The following NEK6 variants were observed in gnomAD, a reference collection of about 807,000 sequenced individuals.
NEK6 encodes the protein NIMA related kinase 6.
A neutral mutation model predicts 43.5 loss-of-function variants in NEK6; 27 were observed. The observed-to-expected ratio is 0.62, with a 90% CI of 0.46 to 0.86. The LOEUF (loss-of-function observed/expected upper bound fraction) is 0.86, where lower values mean the gene tolerates loss of function less well. Among genes scored for constraint, NEK6 ranks in the 40% least tolerant of loss-of-function variants. The pLI, the probability that NEK6 is intolerant of heterozygous loss-of-function variation, is 0.00. For synonymous variants in NEK6, 167 were observed against 164.1 expected (o/e 1.02, Z -0.14); for missense variants, 318 against 414.4 (o/e 0.77, Z 2.02).
intron 8 of NEK6, among the ~76,000 whole-genome samples, chr9:124,341,801 A>G (rs970736809): frequency 6.6e-6 from 1 of 152,196 alleles, no homozygotes; most frequent in Admixed American, 6.5e-5. Flanking sequence ...GTCTTTAGCC[A>G]TAGGAGACAA....
chr9:124,352,735 G>A lies in NEK6; in HGVS notation c.*1788G>A, dbSNP rs886560169. 12 of 152,134 alleles carry A rather than the reference G, an allele frequency of 7.9e-5. No homozygotes were observed. The highest frequency in any genetic ancestry group is 1.2e-4 in the Non-Finnish European group (8 of 68,052). 9.4% of individuals were successfully genotyped at this position (152,134 alleles called of 1,614,324 possible). A position where few individuals can be genotyped will look rare whatever the true frequency, so the allele number is the denominator to read the frequency against. ...TCCACAGAACAATCAAGTCCCTGTC[G>A]CCTGCCTAGTGCTTACCACTGAAGA... On this transcript the variant is annotated 3_prime_UTR_variant, in exon 10 of 10. Transcript: ENST00000320246.
chr9:124,328,444 T>TG (rs1828786480), intron 7 of NEK6, among the ~76,000 whole-genome samples: 1 of 152,040 alleles, frequency 6.6e-6, no homozygotes, highest in African/African-American at 2.4e-5. Flanking sequence ...CAGTGGAAGG[T>TG]GCCCCCAGGC....
intron 4 of NEK6, among the ~76,000 whole-genome samples, chr9:124,316,599 C>T (rs1833827820): frequency 1.3e-5 from 2 of 152,196 alleles, no homozygotes; most frequent in Admixed American, 1.3e-4. Flanking sequence ...ACCAAGAGGC[C>T]ACAGGCTGTG....
chr9:124,305,823 C>T (rs1444712656), intron 2 of NEK6, among the ~76,000 whole-genome samples: 1 of 152,120 alleles, frequency 6.6e-6, no homozygotes, highest in Non-Finnish European at 1.5e-5. Context: ...GGGAGAGGCC[C>T]CAGACCTGAA....
At chr9:124,259,406 A>C (rs1830936864) in intron 1 of NEK6, 1 of 152,134 alleles carries the variant, frequency 6.6e-6, no homozygotes, top group African/African-American at 2.4e-5. Flanking sequence ...AGCCGTCTGG[A>C]AGCGCCTGCC....
chr9:124,312,532 T>C lies in NEK6; in HGVS notation c.114T>C (p.Phe38=). The C allele has an allele frequency of 6.2e-7, 1 of 1,614,130 alleles. No individual in the cohort carries two copies. Among genetic ancestry groups the C allele is most frequent in the African/African-American group, 1.3e-5 (1 of 75,076 alleles). ...DPQRHPNTLS[F]RCSLADFQIE... is the part of the protein sequence containing the mutation. ...AGAGGCATCCCAACACGCTGTCTTT[T>C]CGCTGCTCGCTGGCGGACTTCCAGA... The change falls in exon 3 of 10, where the codon TTT becomes TTC. Residue 38 remains phenylalanine, a synonymous_variant. Coordinates refer to ENST00000320246, the MANE Select transcript of NEK6 (RefSeq NM_014397.6).
chr9:124,321,407 G>A lies in NEK6; in HGVS notation c.295-52G>A, dbSNP rs918707308. On this transcript the variant is annotated intron_variant, in intron 4 of 9. Transcript: ENST00000320246. ...GGTGCCGGTGGCAGGCAGGCACTGG[G>A]TCTGTCCCGTCTTCACTTGGTGCCC... 20 of 1,240,502 alleles carry A rather than the reference G, an allele frequency of 1.6e-5. No homozygotes were observed. In the African/African-American group the frequency reaches 2.9e-4, roughly 18 times the overall value. The allele number at this position is 1,240,502 out of a possible 1,614,324, so 76.8% of individuals were successfully genotyped here. A position where few individuals can be genotyped will look rare whatever the true frequency, so the allele number is the denominator to read the frequency against.
chr9:124,322,269 C>G (rs112555758), intron 5 of NEK6, among the ~76,000 whole-genome samples: 3 of 152,212 alleles, frequency 2.0e-5, no homozygotes, highest in African/African-American at 4.8e-5. Context: ...AGTGACTGTT[C>G]GAGTCACATG....
intron 2 of NEK6, among the ~76,000 whole-genome samples, chr9:124,306,274 G>A (rs182702665): frequency 1.3e-5 from 2 of 152,164 alleles, no homozygotes; most frequent in Admixed American, 6.5e-5. Context: ...GTGAGTCGTC[G>A]GAGCTGGTTC....
chr9:124,292,930 G>A, intron 1 of NEK6: 1 of 1,551,988 alleles, frequency 6.4e-7, no homozygotes, highest in South Asian at 1.2e-5. Context: ...CAGGAAGGCT[G>A]CCTGGAGGAG....
chr9:124,315,826 T>C (rs1380207948), intron 4 of NEK6, among the ~76,000 whole-genome samples: 1 of 152,034 alleles, frequency 6.6e-6, no homozygotes, highest in African/African-American at 2.4e-5. Context: ...CAAGCCGGGG[T>C]TTCAGAGGAC....
upstream of NEK6, chr9:124,257,631 A>G: frequency 6.6e-7 from 1 of 1,504,606 alleles, no homozygotes; most frequent in Non-Finnish European, 8.9e-7. Flanking sequence ...GGGGAATCCG[A>G]AGACGCACAG....
intron 1 of NEK6, among the ~76,000 whole-genome samples, chr9:124,280,261 A>G (rs1831837079): frequency 6.6e-6 from 1 of 152,224 alleles, no homozygotes; most frequent in Non-Finnish European, 1.5e-5. Context: ...TAGCCCAGAA[A>G]AGAGTGTGTT....
At chr9:124,301,893 G>A in intron 1 of NEK6, 43 bp from the exon 2 acceptor site, 1 of 1,460,586 alleles carries the variant, frequency 6.8e-7, no homozygotes. Context: ...TCCTTCTGAG[G>A]GTCTCAAAGA....
rs1294985599 is a variant in NEK6 at position 124,321,590 on chromosome 9, G to T, written c.405+21G>T. The T allele has an allele frequency of 3.4e-6, 5 of 1,457,438 alleles. No homozygotes were observed. In the South Asian group the frequency reaches 4.5e-5, roughly 13 times the overall value. The allele number at this position is 1,457,438 out of a possible 1,614,324, so 90.3% of individuals were successfully genotyped here. On this transcript the variant is annotated intron_variant, in intron 5 of 9. Transcript: ENST00000320246. ...TCAAGGTGAGCGCCTGGCGGGGTGGGGGTGCTGGGGGCTGCGCAGATCTGG... is the reference window on the plus strand; with the variant it reads ...TCAAGGTGAGCGCCTGGCGGGGTGGTGGTGCTGGGGGCTGCGCAGATCTGG...
chr9:124,293,797 C>T (rs1588470369), intron 1 of NEK6, among the ~76,000 whole-genome samples: 2 of 152,282 alleles, frequency 1.3e-5, no homozygotes, highest in South Asian at 2.1e-4. Context: ...CAGATGACCG[C>T]GAAGGTCAGT....
rs935083660 is a variant in NEK6 at position 124,326,894 on chromosome 9, G to A, written c.515-444G>A. Among the ~76,000 whole-genome samples, 4 of 152,162 alleles carry A rather than the reference G, an allele frequency of 2.6e-5. No individual in the cohort carries two copies. Among genetic ancestry groups the A allele is most frequent in the African/African-American group, 7.2e-5 (3 of 41,436 alleles). ...CGTAGGCTGCTTCATGGACACCTCCGTTCCTTCACTCTACCTGTATCTCTT... is the reference window on the plus strand; with the variant it reads ...CGTAGGCTGCTTCATGGACACCTCCATTCCTTCACTCTACCTGTATCTCTT... On this transcript the variant is annotated intron_variant, in intron 6 of 9. Coordinates refer to ENST00000320246, the MANE Select transcript of NEK6 (RefSeq NM_014397.6). The surrounding 1 kb of genome is among the most constrained non-coding windows in gnomAD (Gnocchi z 4.5).
rs1830254701 is a variant in NEK6 at position 124,351,123 on chromosome 9, G to A, written c.*176G>A. 1.8e-6 allele frequency: 1 copy of A among 571,356 alleles called. No homozygotes were observed. 35.4% of individuals were successfully genotyped at this position (571,356 alleles called of 1,614,324 possible). A position where few individuals can be genotyped will look rare whatever the true frequency, so the allele number is the denominator to read the frequency against. On this transcript the variant is annotated 3_prime_UTR_variant, in exon 10 of 10. Transcript: ENST00000320246. The stretch of plus-strand genomic sequence containing the variant: ...TGAAGGCAGAGCAGCTGAGGGAGGG[G>A]CGCTGGCCACATGTCACTGATGGTC...
chr9:124,349,229 G>T (rs962141607), intron 9 of NEK6, among the ~76,000 whole-genome samples: 2 of 152,238 alleles, frequency 1.3e-5, no homozygotes, highest in African/African-American at 4.8e-5. Context: ...CTCCTCCCCA[G>T]TGGGAGGAAA....
Sources: allele counts gnomAD v4.1 joint callset (sites outside exome capture counted in the v4.1 genomes callset), GRCh38; gene constraint gnomAD v4.1.1; non-coding constraint Gnocchi (gnomAD v3.1); transcripts MANE v1.5; gene names NCBI Gene and HGNC (gene_info 2026-07-23, HGNC 2026-07-21).